Variants in GRIK1 observed in about 807,000 individuals in gnomAD.
GRIK1 encodes glutamate ionotropic receptor kainate type subunit 1.
Under a neutral mutation model 105.7 loss-of-function variants are expected in GRIK1, and 69 were observed. That is an observed-to-expected ratio of 0.65 (90% CI 0.54 to 0.80). GRIK1 has a LOEUF of 0.80. Ranked by LOEUF, GRIK1 falls within the 30% of genes least tolerant of loss-of-function variation. The pLI is 0.00. For synonymous variants in GRIK1, 438 were observed against 431.3 expected, an observed-to-expected ratio of 1.02 and a Z score of -0.19; for missense variants, 1,109 against 1,167.3, an observed-to-expected ratio of 0.95 and a Z score of 0.73.
chr21:29,556,482 TA>T (rs1340206355), intron 15 of GRIK1, among the ~76,000 whole-genome samples: 2 of 152,228 alleles, frequency 1.3e-5, no homozygotes, highest in Admixed American at 1.3e-4. Flanking sequence ...AGTTAGCAGT[TA>T]TTTAGACCTT....
At chr21:29,550,506 G>A (rs908054984) in intron 16 of GRIK1, among the ~76,000 whole-genome samples, 64 of 152,312 alleles carry the variant, frequency 4.2e-4, no homozygotes, top group Admixed American at 1.2e-3. Flanking sequence ...CTGGGCATCT[G>A]AAAAAATTAC....
chr21:29,837,821 C>A (rs1275922801), intron 1 of GRIK1, among the ~76,000 whole-genome samples: 1 of 152,126 alleles, frequency 6.6e-6, no homozygotes, highest in East Asian at 1.9e-4. Context: ...TAAAAACACA[C>A]AATAGTCTTA....
rs553522558 is a variant in GRIK1, at chr21:29,722,855, A to C, written c.119-28792T>G. Among the ~76,000 whole-genome samples, 80 of 152,342 alleles carry C rather than the reference A, an allele frequency of 5.3e-4. 1 individual carries two copies. The South Asian group carries it at 0.016, about 30-fold the overall frequency. On this transcript the variant is annotated intron_variant, in intron 1 of 17. Coordinates refer to ENST00000327783, the MANE Select transcript of GRIK1 (RefSeq NM_001330994.2). ...AGATTGAATTGAGATTTAAGAAACT[A>C]AAATCAAGATTCTATGTCTTAAAAA...
intron 1 of GRIK1, among the ~76,000 whole-genome samples, chr21:29,798,949 G>C (rs957114489): frequency 6.6e-6 from 1 of 152,108 alleles, no homozygotes; most frequent in Non-Finnish European, 1.5e-5. Flanking sequence ...GAGAGAGATC[G>C]ATGCTAAATT....
rs191101015 is a variant in GRIK1, at chr21:29,722,184, T to A, written c.119-28121A>T. ...CCCTGTGGTCCTCACTGATAATGGATGCTCTAATTAGAAGAAGGACATTGA... is the reference window on the plus strand; with the variant it reads ...CCCTGTGGTCCTCACTGATAATGGAAGCTCTAATTAGAAGAAGGACATTGA... On this transcript the variant is annotated intron_variant, in intron 1 of 17. Coordinates refer to ENST00000327783, the MANE Select transcript of GRIK1 (RefSeq NM_001330994.2). Among the ~76,000 whole-genome samples, 138 of 152,260 alleles carry A rather than the reference T, an allele frequency of 9.1e-4. No individual in the cohort carries two copies. The East Asian group carries it at 0.022, about 25-fold the overall frequency.
chr21:29,596,664 G>A (rs1305364770), intron 8 of GRIK1, 94 bp from the exon 9 acceptor site: 2 of 869,740 alleles, frequency 2.3e-6, no homozygotes, highest in East Asian at 2.4e-5. Context: ...AGTGCTTAGA[G>A]TGTTACAGTT....
chr21:29,847,903 TCTCTCTCTCTCC>T (rs1380016327), intron 1 of GRIK1, among the ~76,000 whole-genome samples: 1 of 151,886 alleles, frequency 6.6e-6, no homozygotes, highest in African/African-American at 2.4e-5. Context: ...TCTCTCTTTC[TCTCTCTCTCTCC>T]CTCTCTCTCT....
At chr21:29,554,400 G>C (rs1460063941) in intron 16 of GRIK1, among the ~76,000 whole-genome samples, 1 of 152,108 alleles carries the variant, frequency 6.6e-6, no homozygotes, top group Non-Finnish European at 1.5e-5. Flanking sequence ...AAAATGGTGT[G>C]ATTTCCTTCA....
At chr21:29,752,461 G>A (rs2065230365) in intron 1 of GRIK1, among the ~76,000 whole-genome samples, 1 of 152,180 alleles carries the variant, frequency 6.6e-6, no homozygotes, top group South Asian at 2.1e-4. Flanking sequence ...TTTGCAAGAA[G>A]CTTACTATTT....
intron 7 of GRIK1, among the ~76,000 whole-genome samples, chr21:29,614,629 T>A (rs561796929): frequency 4.0e-4 from 61 of 151,274 alleles, no homozygotes; most frequent in African/African-American, 1.4e-3. Flanking sequence ...GTCAGGCTGG[T>A]CTCAAACTCT....
intron 3 of GRIK1, among the ~76,000 whole-genome samples, chr21:29,677,670 A>G (rs1384985167): frequency 6.6e-6 from 1 of 152,114 alleles, no homozygotes; most frequent in African/African-American, 2.4e-5. Flanking sequence ...TGCTATTTAG[A>G]TTGCCCCTTT....
chr21:29,748,820 A>G (rs915059130), intron 1 of GRIK1: 2 of 152,330 alleles, frequency 1.3e-5, no homozygotes, highest in Middle Eastern at 3.4e-3. Flanking sequence ...CCCTTTTCAT[A>G]TTTTTTGTGA....
At chr21:29,909,822 A>G (rs1005787710) in intron 1 of GRIK1, among the ~76,000 whole-genome samples, 1 of 152,172 alleles carries the variant, frequency 6.6e-6, no homozygotes, top group Non-Finnish European at 1.5e-5. Context: ...AATCAGCAAT[A>G]TGGAGCTATC....
chr21:29,904,277 T>C lies in GRIK1; in HGVS notation c.118+35106A>G, dbSNP rs1245820863. Among the ~76,000 whole-genome samples the C allele has an allele frequency of 7.3e-5, 11 of 151,468 alleles. No individual in the cohort carries two copies. The East Asian group carries it at 7.8e-4, about 11-fold the overall frequency. ...CCCAGAACTTAAAGTATAATAATCA[T>C]TAAAAAAAGAAAACTCAAAATATTG... On this transcript the variant is annotated intron_variant, in intron 1 of 17. Transcript: ENST00000327783.
At chr21:29,939,060 T>G (rs2071875425) in intron 1 of GRIK1, among the ~76,000 whole-genome samples, 1 of 152,066 alleles carries the variant, frequency 6.6e-6, no homozygotes, top group Admixed American at 6.6e-5. Flanking sequence ...CCAACTCAAG[T>G]GGCTGCAGCG....
rs569158630 is a variant in GRIK1, at chr21:29,561,789, C to T, written c.2191G>A (p.Ala731Thr). The T allele has an allele frequency of 5.9e-5, 95 of 1,613,972 alleles. 2 individuals are homozygous for T. The highest frequency in any genetic ancestry group is 5.6e-4 in the South Asian group (51 of 91,078). Residue 731 changes from alanine (A) to threonine (T), a missense_variant, in exon 15 of 18, where the codon GCC becomes ACC. Ala to Thr is a moderately conservative substitution (Grantham distance 58). Transcript: ENST00000327783. ...CCCTCATCACTGTTTCTTACCAGGG[C>T]GGTCTGCTGCCTGCTGCTCATGAAA... Reference protein sequence around the residue: ...WAFMSSRQQTALVRNSDEGIQ... With the variant: ...WAFMSSRQQTTLVRNSDEGIQ...
chr21:29,847,386 G>T (rs148546734), intron 1 of GRIK1, among the ~76,000 whole-genome samples: 1 of 152,186 alleles, frequency 6.6e-6, no homozygotes, highest in Non-Finnish European at 1.5e-5. Flanking sequence ...ACTAAGTCAG[G>T]AGTTCGAGAC....
intron 1 of GRIK1, among the ~76,000 whole-genome samples, chr21:29,846,044 C>T (rs1023904444): frequency 3.9e-5 from 6 of 152,216 alleles, no homozygotes; most frequent in South Asian, 2.1e-4. Context: ...GCCTCCTTTG[C>T]GCCCTGGATC....
At chr21:29,810,290 C>T (rs2066976176) in intron 1 of GRIK1, among the ~76,000 whole-genome samples, 1 of 73,564 alleles carries the variant, frequency 1.4e-5, no homozygotes, top group Middle Eastern at 6.5e-3. Flanking sequence ...GAGTGAGACT[C>T]TGTCTTAAAA....
Sources: allele counts gnomAD v4.1 joint callset (sites outside exome capture counted in the v4.1 genomes callset), GRCh38; gene constraint gnomAD v4.1.1; transcripts MANE v1.5; gene names NCBI Gene and HGNC (gene_info 2026-07-23, HGNC 2026-07-21).